The following ATP8A1 variants were observed in gnomAD, a reference collection of about 807,000 sequenced individuals.
The protein encoded by ATP8A1 is ATPase phospholipid transporting 8A1.
A neutral mutation model predicts 177.7 loss-of-function variants in ATP8A1; 90 were observed. The ratio of observed to expected loss-of-function variants is 0.51; its 90% CI spans 0.43 to 0.60. The LOEUF (loss-of-function observed/expected upper bound fraction) is 0.60. Among genes scored for constraint, ATP8A1 ranks in the 20% least tolerant of loss-of-function variants. The pLI is 0.00. For synonymous variants in ATP8A1, 493 were observed against 485.9 expected, an observed-to-expected ratio of 1.01 and a Z score of -0.19; for missense variants, 1,072 against 1,392.8, an observed-to-expected ratio of 0.77 and a Z score of 3.67.
chr4:42,591,278 AAAT>A (rs902854720), intron 6 of ATP8A1, among the ~76,000 whole-genome samples: 3 of 152,086 alleles, frequency 2.0e-5, no homozygotes, highest in African/African-American at 4.8e-5. Flanking sequence ...AAAAGGAAGA[AAAT>A]AATAATGAAA....
rs753146965 is a variant in ATP8A1 at position 42,452,046 on chromosome 4, T to C, written c.2831A>G (p.His944Arg). ...TGAGTGGAAGAGGCCATTTAAACAATGAACCCAGAAAACCTGAGGGAAAAC... is the reference window on the plus strand; with the variant it reads ...TGAGTGGAAGAGGCCATTTAAACAACGAACCCAGAAAACCTGAGGGAAAAC... ...LDFNTKVFWVHCLNGLFHSVI... is the reference protein window; with the variant it reads ...LDFNTKVFWVRCLNGLFHSVI... Residue 944 changes from histidine (H) to arginine (R), a missense_variant, in exon 30 of 37, where the codon CAT (histidine) becomes CGT (arginine). Around this residue, in one of 5 missense-constraint regions of ATP8A1, gnomAD observed 316 missense variants for 459.1 expected, o/e 0.69. Transcript: ENST00000381668. The C allele has an allele frequency of 6.2e-7, 1 of 1,612,806 alleles. No individual in the cohort carries two copies. Among genetic ancestry groups the C allele is most frequent in the Non-Finnish European group, 8.5e-7 (1 of 1,179,352 alleles).
At chr4:42,469,668 GGA>G (rs1362421397) in intron 25 of ATP8A1, among the ~76,000 whole-genome samples, 1 of 152,162 alleles carries the variant, frequency 6.6e-6, no homozygotes, top group Non-Finnish European at 1.5e-5. Context: ...GCCTTTGAAA[GGA>G]GAGGAGAGTT....
intron 33 of ATP8A1, among the ~76,000 whole-genome samples, chr4:42,428,229 C>A (rs1714850088): frequency 6.6e-6 from 1 of 152,232 alleles, no homozygotes; most frequent in African/African-American, 2.4e-5. Context: ...CCACTAATCA[C>A]CTGTGGCTTA....
intron 25 of ATP8A1, among the ~76,000 whole-genome samples, chr4:42,479,900 C>T (rs932005714): frequency 1.3e-5 from 2 of 151,884 alleles, no homozygotes; most frequent in Admixed American, 6.6e-5. Context: ...GGAGTGTGTG[C>T]ACTTTGCGAA....
chr4:42,650,082 C>T (rs997382487), intron 1 of ATP8A1, among the ~76,000 whole-genome samples: 1 of 152,182 alleles, frequency 6.6e-6, no homozygotes, highest in Non-Finnish European at 1.5e-5. Flanking sequence ...GCAAACATTT[C>T]GTTAACTTCA....
intron 32 of ATP8A1, 137 bp from the exon 33 acceptor site, chr4:42,443,809 T>C (rs1028625896): frequency 3.5e-5 from 19 of 549,678 alleles, no homozygotes; most frequent in Admixed American, 2.3e-4. Context: ...TTCTACCTAA[T>C]TGTGTGTGTT....
intron 27 of ATP8A1, among the ~76,000 whole-genome samples, chr4:42,456,724 C>T (rs968810483): frequency 6.6e-6 from 1 of 152,098 alleles, no homozygotes; most frequent in South Asian, 2.1e-4. Context: ...AGCACAAATA[C>T]AAAAACAAAA....
At chr4:42,432,940 C>T (rs564224433) in intron 33 of ATP8A1, among the ~76,000 whole-genome samples, 8 of 152,248 alleles carry the variant, frequency 5.3e-5, no homozygotes, top group Non-Finnish European at 7.4e-5. Context: ...ATCTTCATGA[C>T]TTCCTAGTTT....
intron 1 of ATP8A1, among the ~76,000 whole-genome samples, chr4:42,633,512 G>C (rs1178190024): frequency 6.6e-6 from 1 of 152,152 alleles, no homozygotes; most frequent in Non-Finnish European, 1.5e-5. Context: ...AATAAGATAA[G>C]GTCCTCTTTC....
intron 30 of ATP8A1, among the ~76,000 whole-genome samples, chr4:42,448,206 T>G (rs1717492439): frequency 6.6e-6 from 1 of 152,240 alleles, no homozygotes; most frequent in East Asian, 1.9e-4. Flanking sequence ...TTTCACAATC[T>G]CTTATTTCTG....
intron 25 of ATP8A1, among the ~76,000 whole-genome samples, chr4:42,470,482 G>T (rs1720278060): frequency 6.6e-6 from 1 of 151,994 alleles, no homozygotes; most frequent in Non-Finnish European, 1.5e-5. Flanking sequence ...ATATATAATA[G>T]ATGTATAATA....
chr4:42,587,610 G>GT (rs1404998812), intron 8 of ATP8A1, among the ~76,000 whole-genome samples: 39 of 129,828 alleles, frequency 3.0e-4, no homozygotes, highest in African/African-American at 1.2e-3. Context: ...TCCTTGTACA[G>GT]CTTTTTTTTT....
chr4:42,557,513 G>A (rs17593128), intron 15 of ATP8A1, among the ~76,000 whole-genome samples: 41,456 of 152,038 alleles, frequency 0.27, 6,585 homozygotes, highest in East Asian at 0.51. Context: ...ACTAAAAGCC[G>A]TTTAAATCTG....
chr4:42,515,902 A>G (rs1226373657), intron 22 of ATP8A1, among the ~76,000 whole-genome samples: 1 of 152,232 alleles, frequency 6.6e-6, no homozygotes, highest in Admixed American at 6.5e-5. Flanking sequence ...CTAAACTTCT[A>G]AAGAATGCCT....
intron 6 of ATP8A1, 63 bp from the exon 7 acceptor site, chr4:42,590,947 AC>A: frequency 1.4e-6 from 2 of 1,410,026 alleles, no homozygotes; most frequent in Admixed American, 1.8e-5. Context: ...AGGAAAAAAA[AC>A]AAACAAATGG....
At chr4:42,511,820 C>T (rs553025914) in intron 22 of ATP8A1, among the ~76,000 whole-genome samples, 8 of 146,912 alleles carry the variant, frequency 5.4e-5, no homozygotes, top group Non-Finnish European at 1.2e-4. Flanking sequence ...TAGATGATGT[C>T]ATTTTTTTTT....
intron 5 of ATP8A1, among the ~76,000 whole-genome samples, chr4:42,610,358 A>T (rs1156400291): frequency 1.3e-5 from 2 of 152,174 alleles, no homozygotes; most frequent in Admixed American, 1.3e-4. Flanking sequence ...TTTCCCAGAA[A>T]ATATGTTAAT....
At chr4:42,639,372 G>A (rs1440543216) in intron 1 of ATP8A1, among the ~76,000 whole-genome samples, 1 of 152,112 alleles carries the variant, frequency 6.6e-6, no homozygotes, top group Non-Finnish European at 1.5e-5. Context: ...GGGACACAAA[G>A]AATTGATGAG....
At chr4:42,516,886 T>C (rs1325083783) in intron 22 of ATP8A1, among the ~76,000 whole-genome samples, 3 of 152,202 alleles carry the variant, frequency 2.0e-5, no homozygotes, top group Non-Finnish European at 2.9e-5. Context: ...GCTCCTGATA[T>C]ATTAAAGTGA....
Sources: gnomAD v4.1 joint callset for allele counts (sites outside exome capture counted in the v4.1 genomes callset) on GRCh38, gnomAD v4.1.1 for gene constraint, gnomAD v4.1.1 regional missense constraint, MANE v1.5 for transcripts, NCBI Gene and HGNC (gene_info 2026-07-23, HGNC 2026-07-21) for gene names.